TEAD1: variants seen among roughly 807,000 people sequenced by gnomAD.
The protein encoded by TEAD1 is TEA domain transcription factor 1, also known as transcriptional enhancer factor TEF-1.
TEAD1 carries 9 observed loss-of-function variants against 54.9 expected under a neutral mutation model. The ratio of observed to expected loss-of-function variants is 0.16; its 90% CI spans 0.10 to 0.29. The LOEUF (loss-of-function observed/expected upper bound fraction) is 0.29. Ranked by LOEUF, TEAD1 falls within the 10% of genes least tolerant of loss-of-function variation. TEAD1 has a pLI of 1.00. For synonymous variants in TEAD1, 200 were observed against 187.8 expected (o/e 1.07, Z -0.53); for missense variants, 387 against 535.9 (o/e 0.72, Z 2.74).
At chr11:12,897,440 C>T (rs1948334068) in intron 9 of TEAD1, among the ~76,000 whole-genome samples, 1 of 152,208 alleles carries the variant, frequency 6.6e-6, no homozygotes, top group African/African-American at 2.4e-5. Flanking sequence ...CAGAGGGATT[C>T]CTGACCTACC....
rs1018165897 is a variant in TEAD1, at chr11:12,793,489, A to G, written c.202+29055A>G. Among the ~76,000 whole-genome samples, 7 of 152,306 alleles carry G rather than the reference A, an allele frequency of 4.6e-5. 1 individual carries two copies. In the East Asian group the frequency reaches 9.6e-4, roughly 21 times the overall value. On this transcript the variant is annotated intron_variant, in intron 3 of 12. Coordinates refer to ENST00000527636, the MANE Select transcript of TEAD1 (RefSeq NM_021961.6). Reference sequence around the variant, plus strand: ...TTCTGGTAACAGCTGAGCTTAAATAATGGTATATTTTATTATGTACTGTGT... The same window carrying G: ...TTCTGGTAACAGCTGAGCTTAAATAGTGGTATATTTTATTATGTACTGTGT...
intron 2 of TEAD1, among the ~76,000 whole-genome samples, chr11:12,715,705 T>TA (rs1488610322): frequency 6.6e-6 from 1 of 151,818 alleles, no homozygotes; most frequent in Non-Finnish European, 1.5e-5. Context: ...CTTATCAGAT[T>TA]AAAAAAAAGA....
At chr11:12,757,285 T>C (rs910466731) in intron 2 of TEAD1, among the ~76,000 whole-genome samples, 1 of 152,200 alleles carries the variant, frequency 6.6e-6, no homozygotes, top group East Asian at 1.9e-4. Flanking sequence ...GCTTCTGGTC[T>C]TTACACCCTG....
chr11:12,927,055 C>A (rs12295063), intron 11 of TEAD1, among the ~76,000 whole-genome samples: 5,175 of 152,272 alleles, frequency 0.034, 107 homozygotes, highest in Middle Eastern at 0.044. Context: ...TACTCAATTT[C>A]CCAAATGTCA....
intron 2 of TEAD1, among the ~76,000 whole-genome samples, chr11:12,690,422 C>A (rs1431635495): frequency 6.6e-6 from 1 of 151,994 alleles, no homozygotes; most frequent in Non-Finnish European, 1.5e-5. Context: ...AAATCACATC[C>A]CCACCTTTCT....
intron 3 of TEAD1, among the ~76,000 whole-genome samples, chr11:12,797,853 TC>T (rs1439981036): frequency 3.3e-5 from 5 of 152,118 alleles, no homozygotes; most frequent in African/African-American, 1.2e-4. Context: ...CTTTGAAACC[TC>T]CTATTTGATT....
At chr11:12,776,757 TTTATTA>T (rs71037087) in intron 3 of TEAD1, among the ~76,000 whole-genome samples, 32,022 of 137,416 alleles carry the variant, frequency 0.23, 4,003 homozygotes, top group South Asian at 0.45. Context: ...CATTTGGATA[TTTATTA>T]TTATTATTAT....
chr11:12,880,541 C>T (rs554469889), intron 6 of TEAD1, among the ~76,000 whole-genome samples: 12 of 152,198 alleles, frequency 7.9e-5, no homozygotes, highest in South Asian at 4.1e-4. Context: ...CAGGGAAGCT[C>T]GCTGCAGAGA....
At chr11:12,680,857 C>G (rs1041232878) in intron 2 of TEAD1, among the ~76,000 whole-genome samples, 1 of 152,150 alleles carries the variant, frequency 6.6e-6, no homozygotes, top group Non-Finnish European at 1.5e-5. Flanking sequence ...CAGCAACAGG[C>G]GGCAGAACTT....
At chr11:12,839,293 C>G (rs979956431) in intron 3 of TEAD1, among the ~76,000 whole-genome samples, 21 of 152,084 alleles carry the variant, frequency 1.4e-4, no homozygotes, top group Admixed American at 9.8e-4. Context: ...CGCCTGTAGT[C>G]CCAGCTGCTC....
chr11:12,774,265 G>T (rs556503622), intron 3 of TEAD1, among the ~76,000 whole-genome samples: 4 of 152,186 alleles, frequency 2.6e-5, no homozygotes, highest in African/African-American at 9.7e-5. Context: ...GAATGTGGGC[G>T]ATGGACATGG....
At chr11:12,739,555 T>C (rs539804565) in intron 2 of TEAD1, among the ~76,000 whole-genome samples, 2 of 152,324 alleles carry the variant, frequency 1.3e-5, no homozygotes, top group East Asian at 3.9e-4. Context: ...TGTGACCGGC[T>C]TAATTCACTT....
chr11:12,944,532 C>CT lies in TEAD1; in HGVS notation c.*7313dup. ...CTTTTGCGGTACATATGTGTGATAACTTTAATACCCATGACAGTTAAGTGC... is the reference window on the plus strand; with the variant it reads ...CTTTTGCGGTACATATGTGTGATAACTTTTAATACCCATGACAGTTAAGTGC... On this transcript the variant is annotated 3_prime_UTR_variant, in exon 13 of 13. Transcript: ENST00000527636. 1 of 151,852 alleles carries CT rather than the reference C, an allele frequency of 6.6e-6. No individual in the cohort carries two copies. Among genetic ancestry groups the CT allele is most frequent in the Non-Finnish European group, 1.5e-5 (1 of 67,936 alleles). The allele number at this position is 151,852 out of a possible 1,614,324, so 9.4% of individuals were successfully genotyped here. A position where few individuals can be genotyped will look rare whatever the true frequency, so the allele number is the denominator to read the frequency against.
chr11:12,838,369 AC>A (rs963234016), intron 3 of TEAD1, among the ~76,000 whole-genome samples: 1 of 152,200 alleles, frequency 6.6e-6, no homozygotes, highest in Non-Finnish European at 1.5e-5. Flanking sequence ...AAGGGAGAAA[AC>A]CAACCTTTAC....
chr11:12,697,820 T>C lies in TEAD1; in HGVS notation c.-55+22259T>C, dbSNP rs7108525. On this transcript the variant is annotated intron_variant, in intron 2 of 12. Coordinates refer to ENST00000527636, the MANE Select transcript of TEAD1 (RefSeq NM_021961.6). Reference sequence around the variant, plus strand: ...GGCGGATCACTAGAGCTCTGGAGTTTGAGACCAGCCTGATCAACATGATGA... The same window carrying C: ...GGCGGATCACTAGAGCTCTGGAGTTCGAGACCAGCCTGATCAACATGATGA... Among the ~76,000 whole-genome samples the C allele has an allele frequency of 9.7e-3, 1,482 of 152,164 alleles. 25 individuals carry two copies. The highest frequency in any genetic ancestry group is 0.033 in the African/African-American group (1,376 of 41,504).
At chr11:12,699,798 A>G (rs888622119) in intron 2 of TEAD1, among the ~76,000 whole-genome samples, 1 of 152,218 alleles carries the variant, frequency 6.6e-6, no homozygotes, top group Middle Eastern at 3.2e-3. Flanking sequence ...GCAGTTGAAG[A>G]TCGATGACAT....
chr11:12,779,718 G>A (rs1945505602), intron 3 of TEAD1, among the ~76,000 whole-genome samples: 1 of 152,040 alleles, frequency 6.6e-6, no homozygotes. Context: ...CATATAAAAA[G>A]GTTAATATAC....
chr11:12,774,720 T>C (rs143039771), intron 3 of TEAD1, among the ~76,000 whole-genome samples: 1 of 152,348 alleles, frequency 6.6e-6, no homozygotes, highest in East Asian at 1.9e-4. Flanking sequence ...AATGTAATTA[T>C]GTATGAAGAA....
intron 2 of TEAD1, among the ~76,000 whole-genome samples, chr11:12,687,033 C>T (rs1181818202): frequency 6.6e-6 from 1 of 152,182 alleles, no homozygotes; most frequent in African/African-American, 2.4e-5. Context: ...CCTCCAAGTG[C>T]TGGGTCTTGG....
Sources: allele counts gnomAD v4.1 joint callset (sites outside exome capture counted in the v4.1 genomes callset), GRCh38; gene constraint gnomAD v4.1.1; transcripts MANE v1.5; gene names NCBI Gene and HGNC (gene_info 2026-07-23, HGNC 2026-07-21).